GRIK2: variants seen among roughly 807,000 people sequenced by gnomAD.
GRIK2 encodes the protein glutamate receptor ionotropic, kainate 2.
In GRIK2, 32 loss-of-function variants were observed where a neutral mutation model predicts 100.3. The observed-to-expected ratio is 0.32, with a 90% CI of 0.24 to 0.43. GRIK2 has a LOEUF of 0.43. Among genes scored for constraint, GRIK2 ranks in the 20% least tolerant of loss-of-function variants. The probability of loss-of-function intolerance (pLI) is 1.00; values close to 1 mark genes in which losing one functional copy is unlikely to be tolerated. For missense variants in GRIK2, 843 were observed against 1,114.9 expected (o/e 0.76, Z 3.47); for synonymous variants, 417 against 389.4 (o/e 1.07, Z -0.83).
intron 2 of GRIK2, among the ~76,000 whole-genome samples, chr6:101,514,288 G>GA (rs2128279159): frequency 6.6e-6 from 1 of 152,164 alleles, no homozygotes; most frequent in African/African-American, 2.4e-5. Flanking sequence ...ACGATTGGAG[G>GA]AACACCAGGG....
chr6:101,653,490 G>A (rs1174344409), intron 4 of GRIK2, among the ~76,000 whole-genome samples: 1 of 151,928 alleles, frequency 6.6e-6, no homozygotes, highest in Non-Finnish European at 1.5e-5. Context: ...CCCCAAACTC[G>A]TCATGCTGTC....
At chr6:101,404,350 A>G (rs1562113654) in intron 2 of GRIK2, among the ~76,000 whole-genome samples, 1 of 152,238 alleles carries the variant, frequency 6.6e-6, no homozygotes, top group Non-Finnish European at 1.5e-5. Flanking sequence ...ACCATTACAT[A>G]AAGTGTTGTC....
intron 10 of GRIK2, among the ~76,000 whole-genome samples, chr6:101,833,240 G>GT (rs1371756182): frequency 6.6e-6 from 1 of 151,818 alleles, no homozygotes; most frequent in Non-Finnish European, 1.5e-5. Flanking sequence ...TGTTTGTTTT[G>GT]TTTTGTTTTG....
chr6:101,829,589 A>G (rs552639825), intron 10 of GRIK2, among the ~76,000 whole-genome samples: 1 of 152,160 alleles, frequency 6.6e-6, no homozygotes, highest in Admixed American at 6.6e-5. Context: ...TTGCATTTTT[A>G]TACACCAATA....
intron 2 of GRIK2, among the ~76,000 whole-genome samples, chr6:101,478,506 GT>G (rs5878666): frequency 0.25 from 30,378 of 119,488 alleles, 4,015 homozygotes; most frequent in East Asian, 0.34. Context: ...TTCTGTTTTG[GT>G]TTTTTTTTTT....
chr6:101,538,456 A>G (rs796105076), intron 2 of GRIK2, among the ~76,000 whole-genome samples: 33 of 151,850 alleles, frequency 2.2e-4, no homozygotes, highest in African/African-American at 7.5e-4. Flanking sequence ...ATTGCTTATT[A>G]TAAAGTTTTA....
chr6:101,745,951 C>A (rs986497171), intron 7 of GRIK2, among the ~76,000 whole-genome samples: 1 of 152,096 alleles, frequency 6.6e-6, no homozygotes, highest in Non-Finnish European at 1.5e-5. Context: ...TCCTAACCAC[C>A]CTTCCCCAAG....
intron 2 of GRIK2, among the ~76,000 whole-genome samples, chr6:101,497,122 C>T (rs969387127): frequency 2.6e-5 from 4 of 152,122 alleles, no homozygotes; most frequent in Non-Finnish European, 5.9e-5. Context: ...TTTTCATTTT[C>T]CAATAATCTG....
intron 2 of GRIK2, among the ~76,000 whole-genome samples, chr6:101,494,971 T>A (rs199972820): frequency 1.9e-5 from 2 of 107,956 alleles, no homozygotes; most frequent in East Asian, 2.7e-4. Context: ...ATATATGCAT[T>A]TATATATATA....
intron 2 of GRIK2, among the ~76,000 whole-genome samples, chr6:101,501,750 T>C (rs1198040098): frequency 6.6e-6 from 1 of 152,036 alleles, no homozygotes; most frequent in African/African-American, 2.4e-5. Flanking sequence ...CTTAGCATGT[T>C]TTTGTTTTGT....
intron 2 of GRIK2, among the ~76,000 whole-genome samples, chr6:101,488,492 G>A (rs1169675959): frequency 1.4e-5 from 2 of 146,858 alleles, no homozygotes; most frequent in Admixed American, 1.4e-4. Context: ...AATTTTGTGT[G>A]AGGTTTATCA....
At chr6:101,575,095 A>G (rs1777733380) in intron 2 of GRIK2, among the ~76,000 whole-genome samples, 1 of 151,706 alleles carries the variant, frequency 6.6e-6, no homozygotes, top group East Asian at 1.9e-4. Flanking sequence ...GAATAATTTT[A>G]TTGCCTCTTA....
chr6:101,505,095 G>C (rs756661807), intron 2 of GRIK2, among the ~76,000 whole-genome samples: 2 of 150,444 alleles, frequency 1.3e-5, no homozygotes, highest in Admixed American at 1.3e-4. Flanking sequence ...TTGTCATTAA[G>C]TTTAAAAATT....
intron 2 of GRIK2, among the ~76,000 whole-genome samples, chr6:101,504,534 A>G (rs1773923625): frequency 1.3e-5 from 2 of 151,822 alleles, no homozygotes; most frequent in African/African-American, 4.8e-5. Flanking sequence ...GAAAAAGAAC[A>G]ACAATATAAA....
At chr6:101,785,300 CTT>C (rs1340698537) in intron 7 of GRIK2, among the ~76,000 whole-genome samples, 5 of 152,070 alleles carry the variant, frequency 3.3e-5, no homozygotes, top group African/African-American at 1.2e-4. Flanking sequence ...TGTGCAGAAT[CTT>C]TTTATGTCCC....
At chr6:101,700,990 T>C (rs578197248) in intron 7 of GRIK2, among the ~76,000 whole-genome samples, 8 of 152,254 alleles carry the variant, frequency 5.3e-5, no homozygotes, top group African/African-American at 1.9e-4. Flanking sequence ...GAAGTGGGGC[T>C]ATTGCAAAAG....
chr6:101,439,939 T>A (rs973615352), intron 2 of GRIK2, among the ~76,000 whole-genome samples: 5 of 152,146 alleles, frequency 3.3e-5, no homozygotes, highest in Admixed American at 2.6e-4. Context: ...AATATTCATT[T>A]GTTATTGTTA....
chr6:101,914,224 G>T (rs1211978839), intron 12 of GRIK2, among the ~76,000 whole-genome samples: 2 of 151,400 alleles, frequency 1.3e-5, no homozygotes, highest in Admixed American at 6.6e-5. Context: ...ATGATTTTAA[G>T]AATTCTAATC....
chr6:101,566,781 GCCTATTATATATAATATAAATGT>G, intron 2 of GRIK2, among the ~76,000 whole-genome samples: 1 of 149,198 alleles, frequency 6.7e-6, no homozygotes, highest in Non-Finnish European at 1.5e-5. Flanking sequence ...ACATATGTAT[GCCTATTATATATAATATAAATGT>G]CTATTATATA....
Sources: allele counts gnomAD v4.1 joint callset (sites outside exome capture counted in the v4.1 genomes callset), GRCh38; gene constraint gnomAD v4.1.1; transcripts MANE v1.5; gene names NCBI Gene and HGNC (gene_info 2026-07-23, HGNC 2026-07-21).